ERC2: variants seen among roughly 807,000 people sequenced by gnomAD.
ERC2 encodes the protein ELKS/RAB6-interacting/CAST family member 2, also known as ERC protein 2.
A neutral mutation model predicts 114.8 loss-of-function variants in ERC2; 42 were observed. The observed-to-expected ratio is 0.37, with a 90% CI of 0.29 to 0.47. ERC2 has a LOEUF of 0.47. Ranked by LOEUF, ERC2 falls within the 20% of genes least tolerant of loss-of-function variation. The probability of loss-of-function intolerance (pLI) is 0.99; values close to 1 mark genes in which losing one functional copy is unlikely to be tolerated. For missense variants in ERC2, 939 were observed against 1,150.7 expected (o/e 0.82, Z 2.66); for synonymous variants, 454 against 425.5 (o/e 1.07, Z -0.82).
chr3:55,799,545 G>A (rs1242370837), intron 14 of ERC2, among the ~76,000 whole-genome samples: 1 of 149,770 alleles, frequency 6.7e-6, no homozygotes, highest in Non-Finnish European at 1.5e-5. Flanking sequence ...CACATGCAGT[G>A]CATCAAAGGA....
intron 3 of ERC2, among the ~76,000 whole-genome samples, chr3:56,193,448 A>G (rs968849934): frequency 4.6e-5 from 7 of 152,010 alleles, no homozygotes; most frequent in Non-Finnish European, 7.4e-5. Context: ...CAGAGGTTGC[A>G]GTGAGCCAAG....
intron 16 of ERC2, among the ~76,000 whole-genome samples, chr3:55,698,011 G>C (rs2063026489): frequency 6.6e-6 from 1 of 151,752 alleles, no homozygotes; most frequent in African/African-American, 2.4e-5. Flanking sequence ...GTGAAGGGTG[G>C]TAATTGAATA....
chr3:55,579,457 G>A (rs1163550057), intron 17 of ERC2, among the ~76,000 whole-genome samples: 1 of 152,188 alleles, frequency 6.6e-6, no homozygotes, highest in African/African-American at 2.4e-5. Context: ...TGCCCCATGG[G>A]ATATCAAAAT....
intron 17 of ERC2, among the ~76,000 whole-genome samples, chr3:55,583,572 C>T (rs868637265): frequency 7.4e-6 from 1 of 135,746 alleles, no homozygotes; most frequent in Non-Finnish European, 1.6e-5. Flanking sequence ...TTCCTTCCTT[C>T]CTTCCTTCCT....
At position 55,877,275 on chromosome 3, in the gene ERC2, G is replaced by A. The variant is rs2062895302; in HGVS notation, c.2564+11114C>T. Among the ~76,000 whole-genome samples, 3 of 152,078 alleles carry A rather than the reference G, an allele frequency of 2.0e-5. No individual in the cohort carries two copies. In the South Asian group the frequency reaches 6.2e-4, roughly 31 times the overall value. ...AAAAATGTCTCCAGACCTTGCCAAA[G>A]GTTCCCCTGATAGGTAAAACCACCC... On this transcript the variant is annotated intron_variant, in intron 14 of 17. Transcript: ENST00000288221.
chr3:55,965,045 C>T (rs1559943877), intron 12 of ERC2, among the ~76,000 whole-genome samples: 1 of 152,168 alleles, frequency 6.6e-6, no homozygotes, highest in South Asian at 2.1e-4. Context: ...CAGTGGTACT[C>T]CATCACCTTT....
intron 2 of ERC2, among the ~76,000 whole-genome samples, chr3:56,402,350 A>G (rs1160783581): frequency 1.3e-5 from 2 of 152,154 alleles, no homozygotes; most frequent in African/African-American, 4.8e-5. Flanking sequence ...AGGAGTGGTA[A>G]CCTCCCTTTG....
intron 14 of ERC2, among the ~76,000 whole-genome samples, chr3:55,869,980 A>C (rs1156940618): frequency 6.6e-6 from 1 of 152,198 alleles, no homozygotes; most frequent in African/African-American, 2.4e-5. Context: ...AAGGGTTGTG[A>C]AAAACCGAAT....
intron 3 of ERC2, among the ~76,000 whole-genome samples, chr3:56,204,918 G>A (rs573822155): frequency 9.6e-4 from 55 of 57,106 alleles, no homozygotes; most frequent in African/African-American, 2.6e-3. Context: ...ACCATGGGAC[G>A]TGTCTGTGTG....
intron 4 of ERC2, among the ~76,000 whole-genome samples, chr3:56,161,453 G>C (rs1278291088): frequency 2.6e-5 from 4 of 152,180 alleles, no homozygotes; most frequent in Non-Finnish European, 4.4e-5. Flanking sequence ...TTGGTAGTTT[G>C]ATAGGAATAG....
chr3:56,283,189 C>T (rs1049532646), intron 3 of ERC2, among the ~76,000 whole-genome samples: 2 of 152,228 alleles, frequency 1.3e-5, no homozygotes, highest in Non-Finnish European at 1.5e-5. Flanking sequence ...ATTTAGCCAT[C>T]GTGCACCATT....
At chr3:55,677,376 ATAGAT>A (rs2148758307) in intron 17 of ERC2, among the ~76,000 whole-genome samples, 1 of 152,264 alleles carries the variant, frequency 6.6e-6, no homozygotes, top group East Asian at 1.9e-4. Context: ...GGCCATAGGA[ATAGAT>A]TACCTTTCTT....
chr3:55,608,599 C>G (rs2058748573), intron 17 of ERC2, among the ~76,000 whole-genome samples: 1 of 152,228 alleles, frequency 6.6e-6, no homozygotes, highest in African/African-American at 2.4e-5. Flanking sequence ...CCAAGGCCAG[C>G]CTCCTCTGGC....
intron 6 of ERC2, among the ~76,000 whole-genome samples, chr3:56,094,327 G>A (rs996174536): frequency 6.6e-6 from 1 of 152,124 alleles, no homozygotes; most frequent in African/African-American, 2.4e-5. Flanking sequence ...GGAGGCTCCT[G>A]CATTCCCCAG....
At chr3:55,864,158 CATATATATACACAT>C (rs769648344) in intron 14 of ERC2, among the ~76,000 whole-genome samples, 1,819 of 112,950 alleles carry the variant, frequency 0.016, 41 homozygotes, top group African/African-American at 0.062. Context: ...TATATATACA[CATATATATACACAT>C]ATATATATAC....
intron 1 of ERC2, among the ~76,000 whole-genome samples, chr3:56,441,305 A>C (rs559105261): frequency 1.3e-5 from 2 of 152,312 alleles, no homozygotes; most frequent in African/African-American, 4.8e-5. Flanking sequence ...AGCCCAGCCC[A>C]GCCACCGTCT....
intron 14 of ERC2, among the ~76,000 whole-genome samples, chr3:55,767,000 C>G (rs527352730): frequency 6.6e-6 from 1 of 152,272 alleles, no homozygotes; most frequent in South Asian, 2.1e-4. Flanking sequence ...GTTAGAGAAG[C>G]CTAATTCATT....
intron 3 of ERC2, among the ~76,000 whole-genome samples, chr3:56,206,918 C>A (rs2048770391): frequency 6.6e-6 from 1 of 152,220 alleles, no homozygotes; most frequent in African/African-American, 2.4e-5. Flanking sequence ...GAGCTACCTA[C>A]ATAAATCAGC....
intron 3 of ERC2, among the ~76,000 whole-genome samples, chr3:56,190,878 G>GAC (rs1173072141): frequency 6.6e-6 from 1 of 152,104 alleles, no homozygotes; most frequent in Non-Finnish European, 1.5e-5. Flanking sequence ...CCAGCCAAGT[G>GAC]TTAGCTATTT....
Sources: gnomAD v4.1 joint callset for allele counts (sites outside exome capture counted in the v4.1 genomes callset) on GRCh38, gnomAD v4.1.1 for gene constraint, MANE v1.5 for transcripts, NCBI Gene and HGNC (gene_info 2026-07-23, HGNC 2026-07-21) for gene names.